The following FAM53A variants were observed in gnomAD, a reference collection of about 807,000 sequenced individuals.
FAM53A encodes the protein protein FAM53A.
Under a neutral mutation model 26.6 loss-of-function variants are expected in FAM53A, and 28 were observed. The ratio of observed to expected loss-of-function variants is 1.05; its 90% CI spans 0.78 to 1.45. The LOEUF (loss-of-function observed/expected upper bound fraction) is 1.45, where lower values mean the gene tolerates loss of function less well. Ranked by LOEUF, FAM53A falls within the 40% of genes most tolerant of loss-of-function variation. The pLI is 0.00. For synonymous variants in FAM53A, 290 were observed against 253.1 expected (o/e 1.15, Z -1.38); for missense variants, 650 against 575.8 (o/e 1.13, Z -1.32).
chr4:1,646,868 G>A (rs953619854), intron 4 of FAM53A, among the ~76,000 whole-genome samples: 11 of 152,194 alleles, frequency 7.2e-5, no homozygotes, highest in African/African-American at 1.9e-4. Flanking sequence ...GCAGCTGAGC[G>A]CCTTCTCTAC....
At chr4:1,583,919 G>A in the FAM53A span, among the ~76,000 whole-genome samples, 5 of 152,138 alleles carry the variant, frequency 3.3e-5, no homozygotes, top group Admixed American at 1.3e-4. Flanking sequence ...TTCCATTTGC[G>A]TCTTTCTGAT....
At chr4:1,617,556 A>G (rs988057990), downstream of FAM53A, among the ~76,000 whole-genome samples, 2 of 152,204 alleles carry the variant, frequency 1.3e-5, no homozygotes, top group Non-Finnish European at 2.9e-5. Flanking sequence ...ATAATTTAGG[A>G]AACTCAAGAG....
the FAM53A span, among the ~76,000 whole-genome samples, chr4:1,602,091 T>A: frequency 6.6e-6 from 1 of 152,034 alleles, no homozygotes; most frequent in Non-Finnish European, 1.5e-5. Flanking sequence ...GCACCAGGGC[T>A]GGTTCATGGT....
downstream of FAM53A, among the ~76,000 whole-genome samples, chr4:1,613,524 C>T (rs62286192): frequency 0.21 from 31,978 of 152,170 alleles, 4,020 homozygotes; most frequent in Non-Finnish European, 0.28. Flanking sequence ...CACTGCAACC[C>T]TGATGCGAAA....
chr4:1,637,299 GC>G (rs1560125926), downstream of FAM53A, among the ~76,000 whole-genome samples: 1 of 152,172 alleles, frequency 6.6e-6, no homozygotes. Flanking sequence ...TGAGGCCCTG[GC>G]ACAGAGGCTG....
intron 1 of FAM53A, among the ~76,000 whole-genome samples, chr4:1,620,257 T>G (rs1714971638): frequency 6.6e-6 from 1 of 151,280 alleles, no homozygotes; most frequent in African/African-American, 2.4e-5. Flanking sequence ...ATAAATAAAA[T>G]GTCATCTTAT....
chr4:1,600,461 G>A, the FAM53A span, among the ~76,000 whole-genome samples: 4 of 152,088 alleles, frequency 2.6e-5, no homozygotes, highest in East Asian at 5.8e-4. Context: ...CCCCAGCGCA[G>A]GGAGGACAGG....
chr4:1,682,201 C>G (rs560701586), intron 1 of FAM53A, among the ~76,000 whole-genome samples: 1 of 151,726 alleles, frequency 6.6e-6, no homozygotes, highest in South Asian at 2.1e-4. Context: ...TTGTGAAATT[C>G]AATTTTTCTT....
At chr4:1,676,742 C>T (rs1419111548) in intron 1 of FAM53A, among the ~76,000 whole-genome samples, 1 of 152,150 alleles carries the variant, frequency 6.6e-6, no homozygotes, top group African/African-American at 2.4e-5. Context: ...CTTGAAGGCA[C>T]GTCACGGTGT....
chr4:1,662,671 T>G (rs1577136317), intron 2 of FAM53A, among the ~76,000 whole-genome samples: 2 of 145,054 alleles, frequency 1.4e-5, no homozygotes, highest in Admixed American at 1.4e-4. Context: ...AAAAAAGGGT[T>G]CTTACAACTC....
intron 4 of FAM53A, among the ~76,000 whole-genome samples, chr4:1,654,561 G>A (rs972885463): frequency 2.6e-5 from 4 of 152,244 alleles, no homozygotes; most frequent in Admixed American, 6.5e-5. Context: ...AGAGGACCCC[G>A]GGCTCTGCCT....
the FAM53A span, among the ~76,000 whole-genome samples, chr4:1,586,439 C>A: frequency 6.6e-6 from 1 of 151,802 alleles, no homozygotes; most frequent in African/African-American, 2.4e-5. Flanking sequence ...AGGTGGTCCA[C>A]CCCCCCAGCC....
intron 1 of FAM53A, among the ~76,000 whole-genome samples, chr4:1,680,525 G>A (rs941742353): frequency 6.6e-6 from 1 of 152,130 alleles, no homozygotes; most frequent in Admixed American, 6.6e-5. Context: ...CCTGCACACA[G>A]ATGCCCATAG....
chr4:1,638,481 G>A (rs950299880), downstream of FAM53A, among the ~76,000 whole-genome samples: 1 of 152,266 alleles, frequency 6.6e-6, no homozygotes, highest in African/African-American at 2.4e-5. Flanking sequence ...CCTGGGCTCG[G>A]GCCTCAGGAG....
At chr4:1,643,763 C>T (rs1022633929) in intron 4 of FAM53A, among the ~76,000 whole-genome samples, 8 of 151,900 alleles carry the variant, frequency 5.3e-5, no homozygotes, top group East Asian at 3.9e-4. Flanking sequence ...GATGGGGTCT[C>T]GCTTTGTTGA....
At chr4:1,627,039 G>C (rs1715337619) in intron 1 of FAM53A, among the ~76,000 whole-genome samples, 1 of 152,206 alleles carries the variant, frequency 6.6e-6, no homozygotes, top group Non-Finnish European at 1.5e-5. Flanking sequence ...AGTGAGGCCA[G>C]CCAGAGGCAC....
the FAM53A span, among the ~76,000 whole-genome samples, chr4:1,607,940 C>T: frequency 8.2e-6 from 1 of 121,770 alleles, no homozygotes; most frequent in East Asian, 2.3e-4. Context: ...GACTCCGTCT[C>T]AAAAAAAAAA....
intron 1 of FAM53A, among the ~76,000 whole-genome samples, chr4:1,619,816 G>A (rs1714949855): frequency 6.6e-6 from 1 of 152,332 alleles, no homozygotes; most frequent in Admixed American, 6.5e-5. Flanking sequence ...GGTCCCTTTC[G>A]CCCACACTGG....
the FAM53A span, among the ~76,000 whole-genome samples, chr4:1,609,720 T>C: frequency 6.6e-6 from 1 of 152,002 alleles, no homozygotes; most frequent in Non-Finnish European, 1.5e-5. Flanking sequence ...CCCAGCACTT[T>C]GGGAGGCCTA....
Sources: gnomAD v4.1 joint callset for allele counts (sites outside exome capture counted in the v4.1 genomes callset) on GRCh38, gnomAD v4.1.1 for gene constraint, MANE v1.5 for transcripts, NCBI Gene and HGNC (gene_info 2026-07-23, HGNC 2026-07-21) for gene names.